CATSPER1: variants seen among roughly 807,000 people sequenced by gnomAD.
The protein encoded by CATSPER1 is cation channel sperm-associated protein 1.
Under a neutral mutation model 72.7 loss-of-function variants are expected in CATSPER1, and 57 were observed. That is an observed-to-expected ratio of 0.78 (90% CI 0.63 to 0.98). The LOEUF is 0.98. Among genes scored for constraint, CATSPER1 ranks in the 50% least tolerant of loss-of-function variants. The probability of loss-of-function intolerance (pLI) is 0.00; values close to 1 mark genes in which losing one functional copy is unlikely to be tolerated. For synonymous variants in CATSPER1, 363 were observed against 403.0 expected, an observed-to-expected ratio of 0.90 and a Z score of 1.19; for missense variants, 910 against 1,033.9, an observed-to-expected ratio of 0.88 and a Z score of 1.64.
chr11:66,025,355 G>A lies in CATSPER1; in HGVS notation c.1025C>T (p.Ala342Val). Residue 342 changes from alanine to valine, a missense_variant, in exon 1 of 12, where the codon GCT (alanine) becomes GTT (valine). By Grantham distance (64) the Ala-to-Val change is moderately conservative (BLOSUM62 0). Coordinates refer to ENST00000312106, the MANE Select transcript of CATSPER1 (RefSeq NM_053054.4). ...GGGGAAGACTCCTGTACGAGAAGCA[G>A]CAGGGCCGGGGGCATCGTGAATCAG... ...RSLIHDAPGP[A>V]ASRTGVFPYH... 3.1e-6 allele frequency: 5 copies of A among 1,614,196 alleles called. No individual in the cohort carries two copies. The highest frequency in any genetic ancestry group is 4.2e-6 in the Non-Finnish European group (5 of 1,180,036).
chr11:66,018,154 G>A (rs924755687), intron 10 of CATSPER1, among the ~76,000 whole-genome samples: 2 of 150,882 alleles, frequency 1.3e-5, no homozygotes, highest in African/African-American at 2.4e-5. Context: ...GTTGCAGTGA[G>A]CCTAGATTGT....
In CATSPER1 at chr11:66,025,479, G is replaced by A. The variant is rs761517063; in HGVS notation, c.901C>T (p.Gln301Ter). The change falls in exon 1 of 12, where the codon CAG becomes TAG. Residue 301 changes from glutamine to a stop codon, truncating the protein, a stop_gained. Coordinates refer to ENST00000312106, the MANE Select transcript of CATSPER1 (RefSeq NM_053054.4). LOFTEE classifies it high-confidence loss of function. The part of the protein sequence containing the change: ...HQTHRHRDYH[Q>*]HQDHHGAYHS... ...TACGCGCCGTGGTGGTCTTGGTGCTGATGGTAGTCTCGGTGCCGGTGGGTC... is the reference window on the plus strand; with the variant it reads ...TACGCGCCGTGGTGGTCTTGGTGCTAATGGTAGTCTCGGTGCCGGTGGGTC... 1 of 1,612,652 alleles carries A rather than the reference G, an allele frequency of 6.2e-7. No homozygotes were observed. Among genetic ancestry groups the A allele is most frequent in the Admixed American group, 1.7e-5 (1 of 59,866 alleles).
Position 66,020,995 on chromosome 11 carries a change from C to G in CATSPER1, c.1784-41G>C, listed in dbSNP as rs1413357773. 3 of 1,613,126 alleles carry G rather than the reference C, an allele frequency of 1.9e-6. No individual in the cohort carries two copies. Among genetic ancestry groups the G allele is most frequent in the Non-Finnish European group, 2.5e-6 (3 of 1,179,926 alleles). The stretch of plus-strand genomic sequence containing the variant: ...CAAACTCAGCTCTCCAGTGCTATCC[C>G]CACCCCAGCGCCCCTCGTCCTGCCC... On this transcript the variant is annotated intron_variant, in intron 5 of 11. Transcript: ENST00000312106. The surrounding 1 kb of genome is among the most constrained non-coding windows in gnomAD (Gnocchi z 4.5).
chr11:66,025,259 A>G lies in CATSPER1; in HGVS notation c.1121T>C (p.Val374Ala). ...ATGGACTTTTTTGGACATCTGGGTG[A>G]CACGTGAGCGGATTGTGCTGGAGGA... is the stretch of plus-strand genomic sequence containing the variant. Reference protein sequence around the residue: ...TRSSSTIRSRVTQMSKKVHTQ... With the variant: ...TRSSSTIRSRATQMSKKVHTQ... Residue 374 changes from valine (V) to alanine (A), a missense_variant, in exon 1 of 12, where the codon GTC becomes GCC. Transcript: ENST00000312106. 6.2e-7 allele frequency: 1 copy of G among 1,614,134 alleles called. No individual in the cohort carries two copies. The highest frequency in any genetic ancestry group is 8.5e-7 in the Non-Finnish European group (1 of 1,180,038).
At chr11:66,019,955 G>C in intron 9 of CATSPER1, among the ~76,000 whole-genome samples, 185 bp downstream of exon 9, 1 of 143,356 alleles carries the variant, frequency 7.0e-6, no homozygotes, top group Non-Finnish European at 1.5e-5. Context: ...GACTTGACAA[G>C]CAGTTTAACT....
chr11:66,026,267 C>G lies in CATSPER1; in HGVS notation c.113G>C (p.Arg38Thr). The G allele has an allele frequency of 1.2e-6, 2 of 1,614,218 alleles. No homozygotes were observed. Among genetic ancestry groups the G allele is most frequent in the South Asian group, 1.1e-5 (1 of 91,088 alleles). Reference sequence around the variant, plus strand: ...GTGCAACTCGTAATGGTGGAGAGCTCTGCTGTGGCCTGGCCTGTGGTGTGG... The same window carrying G: ...GTGCAACTCGTAATGGTGGAGAGCTGTGCTGTGGCCTGGCCTGTGGTGTGG... ...SPPHHRPGHSRALHHYELHHH... is the reference protein window; with the variant it reads ...SPPHHRPGHSTALHHYELHHH... The change falls in exon 1 of 12, where the codon AGA (arginine) becomes ACA (threonine). Residue 38 changes from arginine to threonine, a missense_variant. Coordinates refer to ENST00000312106, the MANE Select transcript of CATSPER1 (RefSeq NM_053054.4).
At chr11:66,017,445 C>G (rs999437215) in intron 10 of CATSPER1, among the ~76,000 whole-genome samples, 1 of 151,894 alleles carries the variant, frequency 6.6e-6, no homozygotes, top group Non-Finnish European at 1.5e-5. Flanking sequence ...CCTCCCCATA[C>G]GCCCACTCGA....
At chr11:66,021,470 C>T (rs1856367799) in intron 4 of CATSPER1, 26 bp downstream of exon 4, 3 of 1,610,816 alleles carry the variant, frequency 1.9e-6, no homozygotes, top group Non-Finnish European at 2.5e-6. Context: ...GAGTCCCCAC[C>T]CCAGGTGGGA....
Position 66,021,135 on chromosome 11 carries a change from G to A in CATSPER1, c.1742C>T (p.Pro581Leu), listed in dbSNP as rs759927634. 15 of 1,613,270 alleles carry A rather than the reference G, an allele frequency of 9.3e-6. No homozygotes were observed. The highest frequency in any genetic ancestry group is 4.5e-5 in the East Asian group (2 of 44,866). Reference sequence around the variant, plus strand: ...GAGGATGAGGATGGCTGCGATGGACGGCAAGGACTGGCCCAGGGTCCCTGT... The same window carrying A: ...GAGGATGAGGATGGCTGCGATGGACAGCAAGGACTGGCCCAGGGTCCCTGT... ...EVTGTLGQSL[P>L]SIAAILILMF... Residue 581 changes from proline to leucine, a missense_variant, in exon 5 of 12, where the codon CCG becomes CTG. Coordinates refer to ENST00000312106, the MANE Select transcript of CATSPER1 (RefSeq NM_053054.4).
chr11:66,020,347 CA>C lies in CATSPER1; in HGVS notation c.2033del (p.Leu678ArgfsTer25), dbSNP rs750657024. On this transcript the variant is annotated frameshift_variant, in exon 8 of 12. Coordinates refer to ENST00000312106, the MANE Select transcript of CATSPER1 (RefSeq NM_053054.4). LOFTEE classifies it high-confidence loss of function. This position sits in a 1 kb window ranked among gnomAD's most constrained non-coding sequence, Gnocchi z 4.5. ...GCTTCGCTTTCTCAAGGCCTTTGAA[CA>C]GCGCCGTCTGGAAGCTATCCACCAG... ...TVLVDSFQTALFKGLEKAKQE... is the reference protein window; with the variant it reads ...TVLVDSFQTAXFKGLEKAKQE... 1.9e-6 allele frequency: 3 copies of C among 1,614,014 alleles called. No individual in the cohort carries two copies. In the African/African-American group the frequency reaches 4.0e-5, roughly 22 times the overall value.
intron 1 of CATSPER1, among the ~76,000 whole-genome samples, chr11:66,024,205 A>AT (rs1202140580): frequency 6.7e-6 from 1 of 150,086 alleles, no homozygotes; most frequent in East Asian, 2.0e-4. Flanking sequence ...ACCTCAAGCA[A>AT]TCTACCTACC....
Position 66,020,166 on chromosome 11 carries a change from T to G in CATSPER1, c.2099A>C (p.Asp700Ala). ...TGCAGCTCTGAGCTCCGTCAGTGAG[T>G]CTTCCAGCAGCTTCTCTTGGATCCG... The part of the protein sequence containing the change: ...AARIQEKLLE[D>A]SLTELRAAEP... The change falls in exon 9 of 12, where the codon GAC becomes GCC. Residue 700 changes from aspartate to alanine, a missense_variant. Asp to Ala is a moderately radical substitution (Grantham distance 126). Transcript: ENST00000312106. The surrounding 1 kb of genome is among the most constrained non-coding windows in gnomAD (Gnocchi z 4.5). 1 of 1,613,182 alleles carries G rather than the reference T, an allele frequency of 6.2e-7. No individual in the cohort carries two copies.
intron 1 of CATSPER1, 45 bp from the exon 2 acceptor site, chr11:66,023,106 C>T: frequency 6.4e-7 from 1 of 1,562,508 alleles, no homozygotes; most frequent in Admixed American, 1.7e-5. Flanking sequence ...CAAGAGGGGA[C>T]ACGAGGTCCC....
chr11:66,017,859 G>A (rs867865632), intron 10 of CATSPER1, among the ~76,000 whole-genome samples: 6 of 152,298 alleles, frequency 3.9e-5, no homozygotes, highest in Middle Eastern at 3.4e-3. Context: ...TGATGCTGGC[G>A]ACCTGGAAAG....
chr11:66,025,342 T>C lies in CATSPER1; in HGVS notation c.1038A>G (p.Thr346=), dbSNP rs982477138. ...HDAPGPAASR[T]GVFPYHVAHP... is the part of the protein sequence containing the mutation. ...GTGCTACGTGATAGGGGAAGACTCC[T>C]GTACGAGAAGCAGCAGGGCCGGGGG... The change falls in exon 1 of 12, where the codon ACA becomes ACG. Residue 346 remains threonine, a synonymous_variant. Transcript: ENST00000312106. 12 of 1,614,148 alleles carry C rather than the reference T, an allele frequency of 7.4e-6. No homozygotes were observed. The highest frequency in any genetic ancestry group is 1.0e-5 in the Non-Finnish European group (12 of 1,180,014).
In CATSPER1 at chr11:66,018,983, G is replaced by A. The variant is rs987077594; in HGVS notation, c.2126-81C>T. ...GGAACCCCATGTGTCAGGAAGATAA[G>A]GGCTAATGGAGTTTCTGGCCAGGCT... On this transcript the variant is annotated intron_variant, in intron 9 of 11. Coordinates refer to ENST00000312106, the MANE Select transcript of CATSPER1 (RefSeq NM_053054.4). 7 of 1,213,362 alleles carry A rather than the reference G, an allele frequency of 5.8e-6. No individual in the cohort carries two copies. In the African/African-American group the frequency reaches 8.9e-5, roughly 15 times the overall value. 75.2% of individuals were successfully genotyped at this position (1,213,362 alleles called of 1,614,324 possible).
Position 66,026,280 on chromosome 11 carries a change from G to T in CATSPER1, c.100C>A (p.Pro34Thr). ...RSHSSPPHHRPGHSRALHHYE... is the reference protein window; with the variant it reads ...RSHSSPPHHRTGHSRALHHYE... Reference sequence around the variant, plus strand: ...TGGTGGAGAGCTCTGCTGTGGCCTGGCCTGTGGTGTGGGGGTGATGAGTGA... The same window carrying T: ...TGGTGGAGAGCTCTGCTGTGGCCTGTCCTGTGGTGTGGGGGTGATGAGTGA... Residue 34 changes from proline (P) to threonine (T), a missense_variant, in exon 1 of 12, where the codon CCA (proline) becomes ACA (threonine). Coordinates refer to ENST00000312106, the MANE Select transcript of CATSPER1 (RefSeq NM_053054.4). 6.2e-7 allele frequency: 1 copy of T among 1,614,196 alleles called. No individual in the cohort carries two copies. Among genetic ancestry groups the T allele is most frequent in the Non-Finnish European group, 8.5e-7 (1 of 1,180,032 alleles).
chr11:66,020,454 C>T lies in CATSPER1; in HGVS notation c.1992-65G>A. 2 of 1,607,652 alleles carry T rather than the reference C, an allele frequency of 1.2e-6. No homozygotes were observed. The highest frequency in any genetic ancestry group is 1.7e-6 in the Non-Finnish European group (2 of 1,174,402). On this transcript the variant is annotated intron_variant, in intron 7 of 11. Coordinates refer to ENST00000312106, the MANE Select transcript of CATSPER1 (RefSeq NM_053054.4). The surrounding 1 kb of genome is among the most constrained non-coding windows in gnomAD (Gnocchi z 4.5). ...CAGAGGAGAGGGGCACCCGGTACTT[C>T]TTGTGGGTTCAGCGTGGCATGACCA...
intron 1 of CATSPER1, 35 bp from the exon 2 acceptor site, chr11:66,023,096 C>T: frequency 6.3e-7 from 1 of 1,587,760 alleles, no homozygotes; most frequent in Non-Finnish European, 8.6e-7. Context: ...CAAGTGTGTG[C>T]AAGAGGGGAC....
Sources: gnomAD v4.1 joint callset for allele counts (sites outside exome capture counted in the v4.1 genomes callset) on GRCh38, gnomAD v4.1.1 for gene constraint, Gnocchi (gnomAD v3.1) non-coding constraint, MANE v1.5 for transcripts, NCBI Gene and HGNC (gene_info 2026-07-23, HGNC 2026-07-21) for gene names.